Variants in SH3BP5 observed in about 807,000 individuals in gnomAD.
SH3BP5 encodes SH3 domain binding protein 5.
SH3BP5 carries 22 observed loss-of-function variants against 43.3 expected under a neutral mutation model. The ratio of observed to expected loss-of-function variants is 0.51; its 90% CI spans 0.36 to 0.73. The LOEUF (loss-of-function observed/expected upper bound fraction) is 0.73, where lower values mean the gene tolerates loss of function less well. SH3BP5 is among the 30% of genes least tolerant of loss of function. The pLI, the probability that SH3BP5 is intolerant of heterozygous loss-of-function variation, is 0.00. For synonymous variants in SH3BP5, 255 were observed against 225.8 expected (o/e 1.13, Z -1.16); for missense variants, 529 against 586.9 (o/e 0.90, Z 1.02).
Position 15,256,560 on chromosome 3 carries a change from A to G in SH3BP5, c.1151-257T>C, listed in dbSNP as rs1203647610. The G allele has an allele frequency of 6.7e-6, 4 of 593,588 alleles. No individual in the cohort carries two copies. In the East Asian group the frequency reaches 8.4e-5, roughly 13 times the overall value. 36.8% of individuals were successfully genotyped at this position (593,588 alleles called of 1,614,324 possible). A position where few individuals can be genotyped will look rare whatever the true frequency, so the allele number is the denominator to read the frequency against. On this transcript the variant is annotated intron_variant, in intron 8 of 8. Coordinates refer to ENST00000383791, the MANE Select transcript of SH3BP5 (RefSeq NM_004844.5). ...CTTAGCTATAGAGATGAAATTTGCCATATTCACTTTATTGCTGAGAAACAA... is the reference window on the plus strand; with the variant it reads ...CTTAGCTATAGAGATGAAATTTGCCGTATTCACTTTATTGCTGAGAAACAA...
At position 15,269,852 on chromosome 3, in the gene SH3BP5, G is replaced by A. The variant is rs761911381; in HGVS notation, c.356C>T (p.Thr119Met). Residue 119 changes from threonine to methionine, a missense_variant, in exon 4 of 9, where the codon ACG becomes ATG. By Grantham distance (81) the Thr-to-Met change is moderately conservative (BLOSUM62 -1). This residue lies in a region of SH3BP5 where 85 missense variants were observed against 140.8 expected (regional missense o/e 0.60). Transcript: ENST00000383791. ...CTCTGTGGCCCTCTGGAAGTCCTGC[G>A]TGGCTTTCTGAGCTTCCAGCTGAGC... ...RQAQLEAQKA[T>M]QDFQRATEVL... The A allele has an allele frequency of 7.7e-6, 12 of 1,565,860 alleles. No homozygotes were observed. Among genetic ancestry groups the A allele is most frequent in the Admixed American group, 3.7e-5 (2 of 53,476 alleles).
chr3:15,304,376 G>C (rs1697838497), intron 2 of SH3BP5, 145 bp from the exon 3 acceptor site: 5 of 1,259,642 alleles, frequency 4.0e-6, no homozygotes, highest in Non-Finnish European at 5.6e-6. Context: ...ACAGTGTCTA[G>C]AGCAGCACCG....
intron 5 of SH3BP5, among the ~76,000 whole-genome samples, chr3:15,261,915 T>G (rs1696456179): frequency 1.3e-5 from 2 of 152,158 alleles, no homozygotes; most frequent in Admixed American, 6.5e-5. Context: ...CCTTTGAAAT[T>G]CCTTTTTCTG....
intron 3 of SH3BP5, among the ~76,000 whole-genome samples, chr3:15,271,950 C>T (rs1330233057): frequency 1.3e-5 from 2 of 151,920 alleles, no homozygotes; most frequent in South Asian, 4.1e-4. Flanking sequence ...TCCCACCACC[C>T]TCCCTCGTCC....
intron 3 of SH3BP5, among the ~76,000 whole-genome samples, chr3:15,287,970 T>C (rs541844576): frequency 6.6e-6 from 1 of 152,294 alleles, no homozygotes; most frequent in Non-Finnish European, 1.5e-5. Context: ...ACAGAACTGA[T>C]AGGATGTTTA....
intron 2 of SH3BP5, among the ~76,000 whole-genome samples, chr3:15,305,116 CAAAAA>C (rs11475958): frequency 8.6e-6 from 1 of 116,056 alleles, no homozygotes; most frequent in African/African-American, 3.1e-5. Flanking sequence ...GACACTGTCT[CAAAAA>C]AAAAAAAAAT....
chr3:15,281,546 C>G (rs763606133), intron 3 of SH3BP5, among the ~76,000 whole-genome samples: 1 of 152,182 alleles, frequency 6.6e-6, no homozygotes, highest in Non-Finnish European at 1.5e-5. Context: ...CTCCCTCCCC[C>G]AGTCCTGCCT....
chr3:15,260,851 A>G (rs1696410676), intron 5 of SH3BP5, among the ~76,000 whole-genome samples: 1 of 152,148 alleles, frequency 6.6e-6, no homozygotes, highest in East Asian at 1.9e-4. Flanking sequence ...CAAGACTACG[A>G]TCTATCCCTG....
intron 4 of SH3BP5, among the ~76,000 whole-genome samples, chr3:15,263,509 C>T (rs552844346): frequency 1.5e-4 from 23 of 152,330 alleles, no homozygotes; most frequent in African/African-American, 4.3e-4. Context: ...AATTAAAACC[C>T]AGTCATTCAC....
At chr3:15,277,583 ACCC>A (rs1488737661) in intron 3 of SH3BP5, among the ~76,000 whole-genome samples, 1 of 151,654 alleles carries the variant, frequency 6.6e-6, no homozygotes, top group African/African-American at 2.4e-5. Flanking sequence ...TTAGCCTCCT[ACCC>A]CCCACCACAC....
At chr3:15,332,066 G>A (rs977434070) in intron 1 of SH3BP5, 2 of 797,962 alleles carry the variant, frequency 2.5e-6, no homozygotes, top group African/African-American at 3.5e-5. Flanking sequence ...CCGCAATAGA[G>A]TCAGGCCGCA....
chr3:15,289,159 C>G (rs879651397), intron 3 of SH3BP5, among the ~76,000 whole-genome samples: 5 of 152,150 alleles, frequency 3.3e-5, no homozygotes, highest in Non-Finnish European at 5.9e-5. Context: ...ACTATAGTAC[C>G]AACGTGGCAG....
At chr3:15,314,089 G>A (rs572947032) in intron 2 of SH3BP5, among the ~76,000 whole-genome samples, 4 of 151,872 alleles carry the variant, frequency 2.6e-5, no homozygotes, top group South Asian at 4.2e-4. Flanking sequence ...GTGACAGAGC[G>A]AGACTCTGTC....
intron 4 of SH3BP5, among the ~76,000 whole-genome samples, chr3:15,263,193 C>T (rs1575282418): frequency 6.6e-6 from 1 of 152,170 alleles, no homozygotes; most frequent in Non-Finnish European, 1.5e-5. Context: ...AACAGCTGTC[C>T]ACTTTCTTCT....
intron 3 of SH3BP5, among the ~76,000 whole-genome samples, chr3:15,270,848 C>T (rs552154686): frequency 6.7e-6 from 1 of 150,236 alleles, no homozygotes; most frequent in South Asian, 2.1e-4. Context: ...ATCACTTGAA[C>T]TCAAGAGGCA....
chr3:15,270,815 A>G (rs1245949165), intron 3 of SH3BP5, among the ~76,000 whole-genome samples: 2 of 151,608 alleles, frequency 1.3e-5, no homozygotes, highest in African/African-American at 2.4e-5. Flanking sequence ...AATCCCAGCT[A>G]CTTGGGAGGC....
intron 3 of SH3BP5, among the ~76,000 whole-genome samples, chr3:15,281,510 C>A (rs1046203476): frequency 2.0e-5 from 3 of 152,158 alleles, no homozygotes; most frequent in African/African-American, 7.2e-5. Context: ...CCTTCCTCTC[C>A]AGCAGAAGAA....
intron 3 of SH3BP5, among the ~76,000 whole-genome samples, chr3:15,282,522 G>C (rs1697158218): frequency 6.6e-6 from 1 of 151,772 alleles, no homozygotes; most frequent in African/African-American, 2.4e-5. Context: ...TATGTCACTG[G>C]CTTAAGCAAT....
chr3:15,258,859 C>G lies in SH3BP5; in HGVS notation c.861G>C (p.Gly287=), dbSNP rs766690695. 6.2e-7 allele frequency: 1 copy of G among 1,614,156 alleles called. No individual in the cohort carries two copies. Among genetic ancestry groups the G allele is most frequent in the Non-Finnish European group, 8.5e-7 (1 of 1,180,036 alleles). Residue 287 remains glycine, a synonymous_variant, in exon 7 of 9, where the codon GGG becomes GGC. Coordinates refer to ENST00000383791, the MANE Select transcript of SH3BP5 (RefSeq NM_004844.5). ...AAATGGCATCAGGCTCAGGTTTGCT[C>G]CCTGGCAGATCCTCCACAGATGTGC... The part of the protein sequence containing the change: ...GSSTSVEDLP[G]SKPEPDAISV...
Sources: allele counts gnomAD v4.1 joint callset (sites outside exome capture counted in the v4.1 genomes callset), GRCh38; gene constraint gnomAD v4.1.1; regional missense constraint gnomAD v4.1.1; transcripts MANE v1.5; gene names NCBI Gene and HGNC (gene_info 2026-07-23, HGNC 2026-07-21).